COMMD1: variants seen among roughly 807,000 people sequenced by gnomAD.
The protein encoded by COMMD1 is COMM domain-containing protein 1.
In COMMD1, 10 loss-of-function variants were observed where a neutral mutation model predicts 17.2. The observed-to-expected ratio is 0.58, with a 90% CI of 0.36 to 0.99. The LOEUF is 0.99. COMMD1 is among the 50% of genes least tolerant of loss of function. The pLI is 0.01. For missense variants in COMMD1, 270 were observed against 231.8 expected (o/e 1.17, Z -1.07); for synonymous variants, 97 against 91.6 (o/e 1.06, Z -0.34).
intron 1 of COMMD1, among the ~76,000 whole-genome samples, chr2:61,891,993 G>C (rs1325516163): frequency 6.6e-6 from 1 of 151,064 alleles, no homozygotes; most frequent in South Asian, 2.1e-4. Context: ...CACCAAGCCC[G>C]GCTAGTTTTT....
At chr2:61,908,227 CTTT>C (rs939199316) in intron 1 of COMMD1, among the ~76,000 whole-genome samples, 4 of 135,224 alleles carry the variant, frequency 3.0e-5, no homozygotes, top group Non-Finnish European at 4.8e-5. Flanking sequence ...TTATTGAACT[CTTT>C]TTTTTTTTTT....
chr2:61,999,049 A>C (rs906743596), intron 1 of COMMD1, among the ~76,000 whole-genome samples: 33 of 152,256 alleles, frequency 2.2e-4, no homozygotes, highest in African/African-American at 7.7e-4. Flanking sequence ...AATGTGACAC[A>C]GAGACACAAG....
intron 2 of COMMD1, among the ~76,000 whole-genome samples, chr2:62,030,987 A>T (rs1363579290): frequency 6.6e-6 from 1 of 152,168 alleles, no homozygotes; most frequent in Non-Finnish European, 1.5e-5. Context: ...AGTACCAATT[A>T]TTTTTAAAAG....
At chr2:62,015,707 T>C (rs1014079106) in intron 2 of COMMD1, among the ~76,000 whole-genome samples, 7 of 151,006 alleles carry the variant, frequency 4.6e-5, no homozygotes, top group Admixed American at 4.6e-4. Context: ...TTTTTTTTTT[T>C]TTCTTTTTTT....
chr2:62,124,725 T>A (rs779620504), intron 2 of COMMD1, among the ~76,000 whole-genome samples: 6 of 152,112 alleles, frequency 3.9e-5, no homozygotes, highest in Admixed American at 2.0e-4. Context: ...AATTTTTGTA[T>A]TTTTAGTGGA....
At position 61,980,781 on chromosome 2, in the gene COMMD1, C is replaced by T. The variant is rs200107509; in HGVS notation, c.181-19920C>T. Among the ~76,000 whole-genome samples the T allele has an allele frequency of 9.2e-5, 14 of 151,744 alleles. 1 individual carries two copies. In the South Asian group the frequency reaches 1.0e-3, roughly 11 times the overall value. ...AGATCCCATTTGTCAATTTTGTCTT[C>T]TGTTGCCATTGCTTTTGGTGTTTTG... On this transcript the variant is annotated intron_variant, in intron 1 of 2. Transcript: ENST00000311832.
chr2:61,966,315 T>C (rs947625468), intron 1 of COMMD1, among the ~76,000 whole-genome samples: 3 of 152,184 alleles, frequency 2.0e-5, no homozygotes, highest in Non-Finnish European at 4.4e-5. Context: ...CATGAAGTCA[T>C]TGAGCTTTGG....
intron 1 of COMMD1, among the ~76,000 whole-genome samples, chr2:61,994,754 G>C (rs1364969778): frequency 6.6e-6 from 1 of 152,088 alleles, no homozygotes; most frequent in Non-Finnish European, 1.5e-5. Flanking sequence ...TTTTCTTGCA[G>C]ACATGCTTTT....
chr2:62,003,250 A>G (rs1357978252), intron 2 of COMMD1, among the ~76,000 whole-genome samples: 4 of 151,066 alleles, frequency 2.6e-5, no homozygotes, highest in Non-Finnish European at 5.9e-5. Context: ...AAACAAAACA[A>G]AACAAAACAG....
intron 2 of COMMD1, among the ~76,000 whole-genome samples, chr2:62,014,542 C>CTTTTTTTTTTTTTTTTTTTTTTTTT (rs67886279): frequency 3.1e-5 from 2 of 63,568 alleles, no homozygotes; most frequent in African/African-American, 1.4e-4. Flanking sequence ...CCATTTTAAC[C>CTTTTTTTTTTTTTTTTTTTTTTTTT]TTTTTTTTTT....
intron 2 of COMMD1, among the ~76,000 whole-genome samples, chr2:62,029,530 T>TTTATATA (rs1669857307): frequency 6.6e-6 from 1 of 152,226 alleles, no homozygotes; most frequent in African/African-American, 2.4e-5. Context: ...TCTATATTTC[T>TTTATATA]TTGCCCATTG....
At chr2:61,956,967 T>A (rs1671214247) in intron 1 of COMMD1, among the ~76,000 whole-genome samples, 1 of 151,764 alleles carries the variant, frequency 6.6e-6, no homozygotes, top group Non-Finnish European at 1.5e-5. Flanking sequence ...GCCAGGATGG[T>A]CTCGAACTCC....
At chr2:61,963,111 G>C (rs1671403280) in intron 1 of COMMD1, among the ~76,000 whole-genome samples, 1 of 150,430 alleles carries the variant, frequency 6.6e-6, no homozygotes, top group Non-Finnish European at 1.5e-5. Flanking sequence ...AGTGAGCCGA[G>C]ATCATGCCAC....
intron 1 of COMMD1, among the ~76,000 whole-genome samples, chr2:61,984,751 G>A (rs1250271183): frequency 6.6e-6 from 1 of 152,176 alleles, no homozygotes; most frequent in Non-Finnish European, 1.5e-5. Context: ...CTGAAAATGG[G>A]ATGTTGAAGT....
chr2:61,915,610 CT>C, intron 1 of COMMD1: 1 of 422,036 alleles, frequency 2.4e-6, no homozygotes, highest in Non-Finnish European at 4.8e-6. Context: ...CCACCTCAGC[CT>C]TTTGAGTAGC....
chr2:62,027,837 A>C (rs892342768), intron 2 of COMMD1, among the ~76,000 whole-genome samples: 3 of 151,790 alleles, frequency 2.0e-5, no homozygotes, highest in Middle Eastern at 3.4e-3. Flanking sequence ...AATTTTTGTT[A>C]TTTTTTTGAA....
chr2:62,039,349 G>T (rs1670121851), intron 2 of COMMD1, among the ~76,000 whole-genome samples: 1 of 152,240 alleles, frequency 6.6e-6, no homozygotes, highest in African/African-American at 2.4e-5. Context: ...AGTCCTGGCA[G>T]TTGTCCCAGC....
chr2:61,910,806 G>A (rs1195052149), intron 1 of COMMD1, among the ~76,000 whole-genome samples: 8 of 152,030 alleles, frequency 5.3e-5, no homozygotes, highest in South Asian at 2.1e-4. Context: ...ATTTTAGGCC[G>A]GGCGCCACGG....
chr2:61,981,536 G>A (rs866582159), intron 1 of COMMD1, among the ~76,000 whole-genome samples: 1 of 152,036 alleles, frequency 6.6e-6, no homozygotes. Context: ...TGTTGTTTTG[G>A]TTACTGTATT....
Sources: allele counts gnomAD v4.1 joint callset (sites outside exome capture counted in the v4.1 genomes callset), GRCh38; gene constraint gnomAD v4.1.1; transcripts MANE v1.5; gene names NCBI Gene and HGNC (gene_info 2026-07-23, HGNC 2026-07-21).